The following ZNF469 variants were observed in gnomAD, a reference collection of about 807,000 sequenced individuals.
ZNF469 encodes zinc finger protein 469.
Under a neutral mutation model 1.0 loss-of-function variants are expected in ZNF469, and 1 was observed. The ratio of observed to expected loss-of-function variants is 1.00; its 90% CI spans 0.35 to 4.73. The LOEUF (loss-of-function observed/expected upper bound fraction) is 4.73, where lower values mean the gene tolerates loss of function less well. Among genes scored for constraint, ZNF469 ranks in the 30% most tolerant of loss-of-function variants. The pLI is 0.16. For missense variants in ZNF469, 6,100 were observed against 5,356.3 expected (o/e 1.14, Z -4.33); for synonymous variants, 2,703 against 2,363.4 (o/e 1.14, Z -4.17).
the ZNF469 span, among the ~76,000 whole-genome samples, chr16:88,234,510 C>T: frequency 6.6e-6 from 1 of 152,336 alleles, no homozygotes; most frequent in Non-Finnish European, 1.5e-5. Flanking sequence ...TCCCATCTCG[C>T]AGCGCAGACC....
chr16:88,235,753 T>C, the ZNF469 span, among the ~76,000 whole-genome samples: 1 of 152,220 alleles, frequency 6.6e-6, no homozygotes, highest in Non-Finnish European at 1.5e-5. Flanking sequence ...TGAAGAGAGT[T>C]ATTCTGAGCC....
the ZNF469 span, among the ~76,000 whole-genome samples, chr16:88,148,777 G>A: frequency 6.6e-6 from 1 of 152,150 alleles, no homozygotes; most frequent in African/African-American, 2.4e-5. Context: ...GGGAGGCGTC[G>A]TGCTGGGGCC....
chr16:88,116,058 A>T, the ZNF469 span, among the ~76,000 whole-genome samples: 3 of 152,252 alleles, frequency 2.0e-5, no homozygotes, highest in Non-Finnish European at 4.4e-5. Flanking sequence ...CAGAGCGGGG[A>T]AAGTATTCAC....
At chr16:88,363,770 T>A in the ZNF469 span, among the ~76,000 whole-genome samples, 2,956 of 152,318 alleles carry the variant, frequency 0.019, 43 homozygotes, top group Non-Finnish European at 0.03. Flanking sequence ...CATCCTTTTT[T>A]CCATGTGCAG....
the ZNF469 span, among the ~76,000 whole-genome samples, chr16:88,234,216 G>C: frequency 6.6e-6 from 1 of 152,210 alleles, no homozygotes; most frequent in East Asian, 1.9e-4. Context: ...CGTTTTTCTA[G>C]TAAGGCCCCC....
At chr16:88,405,646 C>T (rs1905008115) in intron 1 of ZNF469, among the ~76,000 whole-genome samples, 1 of 152,166 alleles carries the variant, frequency 6.6e-6, no homozygotes, top group Non-Finnish European at 1.5e-5. Context: ...GAGAGCAGAG[C>T]AGAGGGTGCA....
chr16:88,231,431 G>A, the ZNF469 span, among the ~76,000 whole-genome samples: 1 of 152,260 alleles, frequency 6.6e-6, no homozygotes, highest in Admixed American at 6.5e-5. The surrounding 1 kb of genome is among the most constrained non-coding windows in gnomAD (Gnocchi z 4.5). Context: ...GTGTGTCAGT[G>A]CCACGGGGCT....
At chr16:88,402,018 A>T (rs1904894407) in intron 1 of ZNF469, among the ~76,000 whole-genome samples, 1 of 132,148 alleles carries the variant, frequency 7.6e-6, no homozygotes, top group Admixed American at 7.4e-5. Flanking sequence ...ATGGATAGAT[A>T]TGTGGGTGGA....
chr16:88,334,894 G>A, the ZNF469 span, among the ~76,000 whole-genome samples: 1 of 151,516 alleles, frequency 6.6e-6, no homozygotes, highest in Non-Finnish European at 1.5e-5. Context: ...CCGACGGAAC[G>A]ACACATGTGT....
the ZNF469 span, among the ~76,000 whole-genome samples, chr16:88,325,096 GCGGCA>G: frequency 1.1e-4 from 16 of 152,092 alleles, no homozygotes; most frequent in African/African-American, 3.9e-4. Flanking sequence ...ACATCCAGCT[GCGGCA>G]TACTCAGGGT....
At chr16:88,328,427 C>T in the ZNF469 span, among the ~76,000 whole-genome samples, 1 of 152,176 alleles carries the variant, frequency 6.6e-6, no homozygotes, top group Non-Finnish European at 1.5e-5. Flanking sequence ...CAGGAAAACG[C>T]CATGGCAGTT....
the ZNF469 span, among the ~76,000 whole-genome samples, chr16:88,292,752 C>T: frequency 6.8e-6 from 1 of 146,604 alleles, no homozygotes; most frequent in Non-Finnish European, 1.5e-5. Context: ...CAGACTCTGC[C>T]CTGAGTCACT....
At chr16:88,137,265 ATG>A in the ZNF469 span, among the ~76,000 whole-genome samples, 4 of 152,194 alleles carry the variant, frequency 2.6e-5, no homozygotes, top group Non-Finnish European at 4.4e-5. Context: ...GTGTAAAACC[ATG>A]TGTGTGTATG....
At chr16:88,250,883 G>T in the ZNF469 span, among the ~76,000 whole-genome samples, 5 of 151,988 alleles carry the variant, frequency 3.3e-5, no homozygotes, top group African/African-American at 7.2e-5. Flanking sequence ...CCGTTTTGGG[G>T]TTTTTTTGTT....
the ZNF469 span, among the ~76,000 whole-genome samples, chr16:88,313,283 C>T: frequency 1.8e-4 from 27 of 152,208 alleles, no homozygotes; most frequent in African/African-American, 6.5e-4. Flanking sequence ...TCTAACCAGT[C>T]ATCTTCATGA....
the ZNF469 span, among the ~76,000 whole-genome samples, chr16:88,350,693 C>G: frequency 6.6e-6 from 1 of 152,210 alleles, no homozygotes; most frequent in East Asian, 1.9e-4. Context: ...ATGTCATCAC[C>G]AAGCTCCTCA....
the ZNF469 span, among the ~76,000 whole-genome samples, chr16:88,217,547 C>T: frequency 1.4e-5 from 2 of 143,598 alleles, no homozygotes; most frequent in Admixed American, 7.0e-5. Context: ...CCCACTAACT[C>T]GTCATCTAGC....
the ZNF469 span, among the ~76,000 whole-genome samples, chr16:88,239,000 C>T: frequency 1.3e-5 from 2 of 152,228 alleles, no homozygotes; most frequent in Admixed American, 6.5e-5. Flanking sequence ...GGGTGAGTCA[C>T]TGCCCCCTTT....
the ZNF469 span, among the ~76,000 whole-genome samples, chr16:88,173,201 G>C: frequency 6.6e-6 from 1 of 152,204 alleles, no homozygotes; most frequent in Non-Finnish European, 1.5e-5. Context: ...GTGATAAAGA[G>C]AAATCTTAGA....
Sources: gnomAD v4.1 joint callset for allele counts (sites outside exome capture counted in the v4.1 genomes callset) on GRCh38, gnomAD v4.1.1 for gene constraint, Gnocchi (gnomAD v3.1) non-coding constraint, MANE v1.5 for transcripts, NCBI Gene and HGNC (gene_info 2026-07-23, HGNC 2026-07-21) for gene names.